Variants in SLC44A5 observed in about 807,000 individuals in gnomAD.
The protein encoded by SLC44A5 is choline transporter-like protein 5.
Under a neutral mutation model 101.8 loss-of-function variants are expected in SLC44A5, and 57 were observed. That is an observed-to-expected ratio of 0.56 (90% confidence interval 0.45 to 0.70). The LOEUF is 0.70. SLC44A5 is among the 30% of genes least tolerant of loss of function. SLC44A5 has a pLI of 0.00. For missense variants in SLC44A5, 737 were observed against 853.1 expected, an observed-to-expected ratio of 0.86 and a Z score of 1.70; for synonymous variants, 281 against 290.9, an observed-to-expected ratio of 0.97 and a Z score of 0.35.
chr1:75,625,507 A>C, the SLC44A5 span, among the ~76,000 whole-genome samples: 1 of 152,294 alleles, frequency 6.6e-6, no homozygotes, highest in South Asian at 2.1e-4. Flanking sequence ...TTGGTTTCGC[A>C]GGCCAAAAAT....
chr1:75,598,406 C>G (rs1258955224), intron 1 of SLC44A5, among the ~76,000 whole-genome samples: 1 of 152,172 alleles, frequency 6.6e-6, no homozygotes, highest in Non-Finnish European at 1.5e-5. Context: ...ACATTTGACC[C>G]AGCAATCCCA....
chr1:75,235,025 G>A (rs1647948785), intron 11 of SLC44A5, among the ~76,000 whole-genome samples: 1 of 152,016 alleles, frequency 6.6e-6, no homozygotes, highest in Non-Finnish European at 1.5e-5. Context: ...ATTGTCTCAA[G>A]TGTTATCTTT....
the SLC44A5 span, among the ~76,000 whole-genome samples, chr1:75,652,992 T>C: frequency 6.6e-6 from 1 of 152,216 alleles, no homozygotes; most frequent in African/African-American, 2.4e-5. Flanking sequence ...AAGTATATGT[T>C]GTACTGGATA....
In SLC44A5 at chr1:75,438,622, A is replaced by G. The variant is rs369199354; in HGVS notation, c.14-42001T>C. Among the ~76,000 whole-genome samples, 31 of 152,262 alleles carry G rather than the reference A, an allele frequency of 2.0e-4. No individual in the cohort carries two copies. The East Asian group carries it at 2.7e-3, about 13-fold the overall frequency. Reference sequence around the variant, plus strand: ...GCTTTAGGCAGCTGCAAGACAGGGAAGCTGAACCTCAGATTCTCAAATTAG... The same window carrying G: ...GCTTTAGGCAGCTGCAAGACAGGGAGGCTGAACCTCAGATTCTCAAATTAG... On this transcript the variant is annotated intron_variant, in intron 2 of 23. Coordinates refer to ENST00000370859, the MANE Select transcript of SLC44A5 (RefSeq NM_001130058.2).
intron 1 of SLC44A5, among the ~76,000 whole-genome samples, chr1:75,596,151 T>C (rs758432820): frequency 4.6e-5 from 7 of 152,014 alleles, no homozygotes; most frequent in African/African-American, 7.2e-5. Flanking sequence ...TAGGCTCAGA[T>C]GATACTGAGT....
intron 6 of SLC44A5, among the ~76,000 whole-genome samples, chr1:75,267,693 G>T (rs2100718049): frequency 6.6e-6 from 1 of 151,892 alleles, no homozygotes; most frequent in South Asian, 2.1e-4. Flanking sequence ...GGGACTACAG[G>T]CACTCCATCA....
At chr1:75,396,147 C>A (rs1359544633) in intron 3 of SLC44A5, among the ~76,000 whole-genome samples, 1 of 152,108 alleles carries the variant, frequency 6.6e-6, no homozygotes, top group African/African-American at 2.4e-5. Flanking sequence ...AGAATCAACT[C>A]TATGGGGCTG....
At chr1:75,640,394 A>G in the SLC44A5 span, among the ~76,000 whole-genome samples, 2 of 152,084 alleles carry the variant, frequency 1.3e-5, no homozygotes, top group Non-Finnish European at 1.5e-5. Context: ...TGCTTGCTGT[A>G]TATCTGCTGA....
chr1:75,645,515 T>C, the SLC44A5 span, among the ~76,000 whole-genome samples: 1 of 151,904 alleles, frequency 6.6e-6, no homozygotes, highest in Non-Finnish European at 1.5e-5. Flanking sequence ...TCATTGTAGA[T>C]TCTGGATATT....
intron 14 of SLC44A5, 146 bp downstream of exon 14, chr1:75,222,215 C>A: frequency 1.6e-6 from 1 of 611,846 alleles, no homozygotes; most frequent in African/African-American, 1.8e-5. Flanking sequence ...CTCGGCCTCC[C>A]AAAGTGCTGG....
intron 2 of SLC44A5, among the ~76,000 whole-genome samples, chr1:75,456,008 A>G (rs1214461045): frequency 1.3e-5 from 2 of 152,100 alleles, no homozygotes; most frequent in African/African-American, 2.4e-5. Context: ...TCATTACCTG[A>G]GTACTTATCC....
intron 2 of SLC44A5, among the ~76,000 whole-genome samples, chr1:75,541,162 C>A (rs143101571): frequency 1.3e-5 from 2 of 152,262 alleles, no homozygotes; most frequent in Non-Finnish European, 2.9e-5. Context: ...TGTTCCTTTA[C>A]AAACCACATA....
the SLC44A5 span, among the ~76,000 whole-genome samples, chr1:75,638,905 G>A: frequency 6.6e-6 from 1 of 151,994 alleles, no homozygotes; most frequent in Non-Finnish European, 1.5e-5. Flanking sequence ...GCAACAATAT[G>A]AATGAACCTG....
intron 2 of SLC44A5, among the ~76,000 whole-genome samples, chr1:75,467,632 C>G (rs1351919307): frequency 1.3e-5 from 2 of 152,078 alleles, no homozygotes; most frequent in African/African-American, 4.8e-5. Context: ...TATCTATATG[C>G]AGAAGAACGA....
At chr1:75,718,209 T>C in the SLC44A5 span, among the ~76,000 whole-genome samples, 4 of 152,252 alleles carry the variant, frequency 2.6e-5, no homozygotes, top group African/African-American at 9.6e-5. Flanking sequence ...AAGGCATTTC[T>C]AGTAATGGTA....
At chr1:75,665,117 C>G in the SLC44A5 span, among the ~76,000 whole-genome samples, 3 of 151,746 alleles carry the variant, frequency 2.0e-5, no homozygotes, top group African/African-American at 7.3e-5. Context: ...TTTTAAAATT[C>G]ATAAGGAAAC....
chr1:75,521,707 GAAGCTCAAATATAGGA>G (rs1307129289), intron 2 of SLC44A5: 1 of 152,676 alleles, frequency 6.5e-6, no homozygotes, highest in African/African-American at 2.4e-5. Context: ...CAAAAAGGTA[GAAGCTCAAATATAGGA>G]GGTGCTGCCG....
chr1:75,507,014 T>C (rs562511740), intron 2 of SLC44A5, among the ~76,000 whole-genome samples: 9 of 149,140 alleles, frequency 6.0e-5, no homozygotes, highest in Non-Finnish European at 1.2e-4. Context: ...GGCTAAGTGA[T>C]CTTCCCACCT....
chr1:75,271,497 T>TTTTTTTTTTTGTGTGTGTG (rs1553152601), intron 6 of SLC44A5, among the ~76,000 whole-genome samples: 1 of 146,304 alleles, frequency 6.8e-6, no homozygotes, highest in African/African-American at 2.5e-5. Flanking sequence ...TCTGCATGTT[T>TTTTTTTTTTTGTGTGTGTG]TGTGTGTGTG....
Sources: gnomAD v4.1 joint callset for allele counts (sites outside exome capture counted in the v4.1 genomes callset) on GRCh38, gnomAD v4.1.1 for gene constraint, MANE v1.5 for transcripts, NCBI Gene and HGNC (gene_info 2026-07-23, HGNC 2026-07-21) for gene names.